LDB3: variants seen among roughly 807,000 people sequenced by gnomAD.
The protein encoded by LDB3 is LIM domain binding 3, also known as LIM domain-binding protein 3.
LDB3 carries 49 observed loss-of-function variants against 69.0 expected under a neutral mutation model. The ratio of observed to expected loss-of-function variants is 0.71; its 90% confidence interval spans 0.56 to 0.90. The LOEUF is 0.90. Among genes scored for constraint, LDB3 ranks in the 40% least tolerant of loss-of-function variants. The pLI, the probability that LDB3 is intolerant of heterozygous loss-of-function variation, is 0.00. For missense variants in LDB3, 928 were observed against 974.1 expected (o/e 0.95, Z 0.63); for synonymous variants, 387 against 396.2 (o/e 0.98, Z 0.28).
intron 5 of LDB3, among the ~76,000 whole-genome samples, chr10:86,690,521 G>C (rs1050661237): frequency 4.6e-5 from 7 of 152,220 alleles, no homozygotes; most frequent in African/African-American, 1.4e-4. Context: ...AGCGAAGCCA[G>C]GGCAGCTCCA....
Position 86,668,746 on chromosome 10 carries a change from G to GGCAAGTCCTTGCCCCCAGATAGTGA in LDB3, c.56_57insCAAGTCCTTGCCCCCAGATAGTGAG (p.Gly20LysfsTer36). 1 of 1,613,288 alleles carries GGCAAGTCCTTGCCCCCAGATAGTGA rather than the reference G, an allele frequency of 6.2e-7. No homozygotes were observed. Among genetic ancestry groups the GGCAAGTCCTTGCCCCCAGATAGTGA allele is most frequent in the Non-Finnish European group, 8.5e-7 (1 of 1,179,990 alleles). ...CGGGCCCTGGGGCTTCCGTCTGCAG[G>GGCAAGTCCTTGCCCCCAGATAGTGA]GGGGCAAGGACTTCAACATGCCCCT... is the stretch of plus-strand genomic sequence containing the variant. On this transcript the variant is annotated frameshift_variant, in exon 2 of 14. Coordinates refer to ENST00000361373, the MANE Select transcript of LDB3 (RefSeq NM_007078.3). LOFTEE classifies it high-confidence loss of function.
intron 9 of LDB3, among the ~76,000 whole-genome samples, chr10:86,713,311 A>G (rs914473846): frequency 1.4e-4 from 22 of 151,974 alleles, no homozygotes; most frequent in African/African-American, 5.3e-4. Context: ...CAATGGCACG[A>G]CTTCGACTCA....
intron 9 of LDB3, among the ~76,000 whole-genome samples, chr10:86,714,047 T>C (rs754906343): frequency 3.3e-5 from 5 of 152,222 alleles, no homozygotes; most frequent in Non-Finnish European, 5.9e-5. Flanking sequence ...ATCCTTGCCA[T>C]CCTCACTCAC....
At chr10:86,719,920 C>T (rs377459943) in intron 12 of LDB3, among the ~76,000 whole-genome samples, 1 of 152,176 alleles carries the variant, frequency 6.6e-6, no homozygotes, top group Non-Finnish European at 1.5e-5. Context: ...AAAGGTAACA[C>T]AGACATGAAG....
chr10:86,717,364 T>C (rs1031169062), intron 10 of LDB3, among the ~76,000 whole-genome samples: 1 of 152,206 alleles, frequency 6.6e-6, no homozygotes, highest in Admixed American at 6.5e-5. Context: ...TAGTGAAGAA[T>C]TGGAAAACAC....
chr10:86,735,082 CACACA>C lies in LDB3; in HGVS notation c.*2107_*2111del, dbSNP rs1847585017. The C allele has an allele frequency of 6.7e-6, 1 of 149,830 alleles. No individual in the cohort carries two copies. Among genetic ancestry groups the C allele is most frequent in the African/African-American group, 2.5e-5 (1 of 40,420 alleles). The allele number at this position is 149,830 out of a possible 1,614,324, so 9.3% of individuals were successfully genotyped here. On this transcript the variant is annotated 3_prime_UTR_variant, in exon 14 of 14. Transcript: ENST00000361373. ...ACACACACACACACACACACACACACACACACACACACACACACGATCATTAAAAA... is the reference window on the plus strand; with the variant it reads ...ACACACACACACACACACACACACACCACACACACACACGATCATTAAAAA...
At position 86,716,620 on chromosome 10, in the gene LDB3, A is replaced by G; in HGVS notation, c.1525A>G (p.Ile509Val). Residue 509 changes from isoleucine to valine, a missense_variant, in exon 10 of 14, where the codon ATC becomes GTC. Ile to Val is a conservative substitution (Grantham distance 29). Transcript: ENST00000361373. ...TGCCCCGGGCAAGAGCACCACCTCC[A>G]TCAGCAAGCAGACCCTGCCCCGGGG... ...KFAPGKSTTSISKQTLPRGGP... is the reference protein window; with the variant it reads ...KFAPGKSTTSVSKQTLPRGGP... 1 of 1,613,740 alleles carries G rather than the reference A, an allele frequency of 6.2e-7. No homozygotes were observed. The highest frequency in any genetic ancestry group is 2.2e-5 in the East Asian group (1 of 44,846).
At chr10:86,732,112 A>C (rs1847489747) in intron 13 of LDB3, among the ~76,000 whole-genome samples, 1 of 147,944 alleles carries the variant, frequency 6.8e-6, no homozygotes. Context: ...TCCAAAGTGT[A>C]GGGATTACAG....
At chr10:86,697,815 G>A (rs1846078826) in intron 7 of LDB3, among the ~76,000 whole-genome samples, 1 of 151,638 alleles carries the variant, frequency 6.6e-6, no homozygotes, top group Non-Finnish European at 1.5e-5. Context: ...GCCTCCCAAA[G>A]TTCTGGGATT....
At chr10:86,691,031 TC>T (rs1307379304) in intron 5 of LDB3, among the ~76,000 whole-genome samples, 6 of 152,204 alleles carry the variant, frequency 3.9e-5, no homozygotes, top group Admixed American at 2.0e-4. Flanking sequence ...GGTCCTCTGG[TC>T]CCCCGGCCAG....
At chr10:86,692,171 T>G in intron 6 of LDB3, 106 bp downstream of exon 6, 1 of 1,316,070 alleles carries the variant, frequency 7.6e-7, no homozygotes, top group Non-Finnish European at 1.1e-6. Context: ...TACCTGCCCT[T>G]GAAGGTGGGC....
chr10:86,680,207 T>G (rs760706278), intron 4 of LDB3, 50 bp downstream of exon 4: 3 of 1,550,454 alleles, frequency 1.9e-6, no homozygotes. Context: ...GTTCCTGGAG[T>G]GCTGGCCCTG....
At chr10:86,717,897 G>A in intron 10 of LDB3, 67 bp from the exon 11 acceptor site, 1 of 1,445,376 alleles carries the variant, frequency 6.9e-7, no homozygotes, top group Admixed American at 1.7e-5. Context: ...CAGTGTTGGG[G>A]TTCTTCAAAT....
chr10:86,706,409 C>A, intron 7 of LDB3, 122 bp from the exon 8 acceptor site: 1 of 1,052,482 alleles, frequency 9.5e-7, no homozygotes, highest in Non-Finnish European at 1.5e-6. Context: ...ACTCTGTTTG[C>A]AAGGCAGGTG....
chr10:86,688,087 GTGTC>G (rs144097163), intron 5 of LDB3, among the ~76,000 whole-genome samples: 5,373 of 141,812 alleles, frequency 0.038, 294 homozygotes, highest in East Asian at 0.16. Flanking sequence ...GTGTGTGTAT[GTGTC>G]TGTCTATCTG....
chr10:86,700,938 C>T (rs1846236487), intron 7 of LDB3, among the ~76,000 whole-genome samples: 1 of 152,246 alleles, frequency 6.6e-6, no homozygotes, highest in Non-Finnish European at 1.5e-5. Context: ...GGCTGTCCTG[C>T]CTTTTCTGTG....
chr10:86,680,862 G>A (rs967655434), intron 4 of LDB3, among the ~76,000 whole-genome samples: 1 of 152,254 alleles, frequency 6.6e-6, no homozygotes, highest in Non-Finnish European at 1.5e-5. Context: ...GCAGTGGGGA[G>A]AGGGGAGAAA....
chr10:86,706,410 A>C, intron 7 of LDB3, 121 bp from the exon 8 acceptor site: 5 of 1,057,484 alleles, frequency 4.7e-6, no homozygotes, highest in Middle Eastern at 2.0e-4. Context: ...CTCTGTTTGC[A>C]AGGCAGGTGG....
intron 2 of LDB3, among the ~76,000 whole-genome samples, chr10:86,675,274 G>T (rs1161736430): frequency 2.0e-5 from 3 of 152,264 alleles, no homozygotes; most frequent in Non-Finnish European, 1.5e-5. Context: ...GCTGGTGCCC[G>T]CTGACCCATG....
Sources: gnomAD v4.1 joint callset for allele counts (sites outside exome capture counted in the v4.1 genomes callset) on GRCh38, gnomAD v4.1.1 for gene constraint, MANE v1.5 for transcripts, NCBI Gene and HGNC (gene_info 2026-07-23, HGNC 2026-07-21) for gene names.